The following LRP1B variants were observed in gnomAD, a reference collection of about 807,000 sequenced individuals.
LRP1B encodes the protein low-density lipoprotein receptor-related protein 1B.
A neutral mutation model predicts 556.6 loss-of-function variants in LRP1B; 217 were observed. The observed-to-expected ratio is 0.39, with a 90% CI of 0.35 to 0.44. The LOEUF is 0.44. Among genes scored for constraint, LRP1B ranks in the 20% least tolerant of loss-of-function variants. The pLI, the probability that LRP1B is intolerant of heterozygous loss-of-function variation, is 1.00. For synonymous variants in LRP1B, 2,047 were observed against 1,865.8 expected (o/e 1.10, Z -2.50); for missense variants, 5,053 against 5,620.8 (o/e 0.90, Z 3.23).
At chr2:140,699,683 A>C (rs1158686932) in intron 41 of LRP1B, among the ~76,000 whole-genome samples, 2 of 151,128 alleles carry the variant, frequency 1.3e-5, no homozygotes, top group African/African-American at 2.4e-5. Flanking sequence ...GATAATCCTC[A>C]CTGAACACTA....
At chr2:140,584,684 C>G (rs1681912430) in intron 43 of LRP1B, among the ~76,000 whole-genome samples, 1 of 152,022 alleles carries the variant, frequency 6.6e-6, no homozygotes, top group Admixed American at 6.6e-5. Flanking sequence ...AGTCTGGCTT[C>G]AGTAATACTT....
chr2:141,131,310 C>A (rs572571436), intron 7 of LRP1B, among the ~76,000 whole-genome samples: 1 of 150,438 alleles, frequency 6.6e-6, no homozygotes, highest in Non-Finnish European at 1.5e-5. Flanking sequence ...ACGGACTGAT[C>A]TTTAAGATAC....
At chr2:141,810,016 A>C (rs1696285217) in intron 2 of LRP1B, among the ~76,000 whole-genome samples, 2 of 151,660 alleles carry the variant, frequency 1.3e-5, no homozygotes, top group South Asian at 4.2e-4. Context: ...CCAAAACTGC[A>C]TTTTATGCTC....
rs1680549336 is a variant in LRP1B, at chr2:140,233,303, T to A, written c.13683A>T (p.Val4561=). 6.3e-7 allele frequency: 1 copy of A among 1,599,858 alleles called. No individual in the cohort carries two copies. Among genetic ancestry groups the A allele is most frequent in the African/African-American group, 1.3e-5 (1 of 74,178 alleles). The change falls in exon 91 of 91, where the codon GTA becomes GTT. Residue 4561 remains valine (V), a synonymous_variant. Coordinates refer to ENST00000389484, the MANE Select transcript of LRP1B (RefSeq NM_018557.3). ...GCCCATCCATATATAATTTTGCATA[T>A]ACCGGATTGGAGTAATTTGTTGGCT... is the stretch of plus-strand genomic sequence containing the variant. ...TAGPTNYSNP[V]YAKLYMDGQN...
chr2:140,652,920 AT>A (rs1684741346), intron 41 of LRP1B, among the ~76,000 whole-genome samples: 1 of 152,108 alleles, frequency 6.6e-6, no homozygotes, highest in South Asian at 2.1e-4. Context: ...GTCAAAAGCT[AT>A]TCTTAAAATT....
At chr2:141,802,237 T>A (rs58362402) in intron 2 of LRP1B, among the ~76,000 whole-genome samples, 5,474 of 152,188 alleles carry the variant, frequency 0.036, 336 homozygotes, top group African/African-American at 0.12. Context: ...TCTCCTCTCT[T>A]GTATCTGATC....
rs1682365291 is a variant in LRP1B, at chr2:140,358,806, A to G, written c.11257+15T>C. 3 of 1,605,724 alleles carry G rather than the reference A, an allele frequency of 1.9e-6. No individual in the cohort carries two copies. The highest frequency in any genetic ancestry group is 2.6e-6 in the Non-Finnish European group (3 of 1,174,064). On this transcript the variant is annotated intron_variant, in intron 73 of 90. Transcript: ENST00000389484. ...CATAGCCATCACTGAATTATTTCACATTAAATGCATTTACCACCACAGTGA... is the reference window on the plus strand; with the variant it reads ...CATAGCCATCACTGAATTATTTCACGTTAAATGCATTTACCACCACAGTGA...
chr2:141,903,780 G>A (rs888481390), intron 1 of LRP1B, among the ~76,000 whole-genome samples: 2 of 151,908 alleles, frequency 1.3e-5, no homozygotes, highest in Admixed American at 1.3e-4. Flanking sequence ...CACCAAAAAT[G>A]TGATAACAAA....
chr2:141,361,564 A>G (rs893873354), intron 3 of LRP1B, among the ~76,000 whole-genome samples: 3 of 152,204 alleles, frequency 2.0e-5, no homozygotes, highest in African/African-American at 7.2e-5. Context: ...ACAGTAAAAC[A>G]TATCTCGATG....
chr2:140,483,587 C>CAT (rs1163331116), intron 59 of LRP1B, among the ~76,000 whole-genome samples: 8 of 138,792 alleles, frequency 5.8e-5, no homozygotes, highest in African/African-American at 2.1e-4. Flanking sequence ...TGTACACACA[C>CAT]ATATATATAG....
At chr2:140,811,387 G>A (rs997748352) in intron 32 of LRP1B, among the ~76,000 whole-genome samples, 1 of 152,090 alleles carries the variant, frequency 6.6e-6, no homozygotes, top group South Asian at 2.1e-4. Context: ...CTCAAAACAC[G>A]GTCAGCAGCA....
chr2:140,475,129 T>G lies in LRP1B; in HGVS notation c.9625+9A>C. 1 of 1,482,142 alleles carries G rather than the reference T, an allele frequency of 6.7e-7. No homozygotes were observed. Among genetic ancestry groups the G allele is most frequent in the Non-Finnish European group, 9.0e-7 (1 of 1,105,142 alleles). 91.8% of individuals were successfully genotyped at this position (1,482,142 alleles called of 1,614,324 possible). A position where few individuals can be genotyped will look rare whatever the true frequency, so the allele number is the denominator to read the frequency against. On this transcript the variant is annotated intron_variant, in intron 60 of 90. Coordinates refer to ENST00000389484, the MANE Select transcript of LRP1B (RefSeq NM_018557.3). ...TAAAATACTAGAATATTTATGTTAC[T>G]GGACCAACCTTTGTGTCTATGAGAT...
chr2:140,715,937 T>A, intron 37 of LRP1B, 36 bp downstream of exon 37: 1 of 1,487,002 alleles, frequency 6.7e-7, no homozygotes, highest in East Asian at 2.3e-5. Context: ...AAAACTCACA[T>A]AAAACTTGGA....
intron 18 of LRP1B, among the ~76,000 whole-genome samples, chr2:140,959,787 AAATTATATTTCACAG>A (rs1335892329): frequency 4.6e-5 from 7 of 151,886 alleles, no homozygotes; most frequent in African/African-American, 1.7e-4. Flanking sequence ...GGAGTAAGAC[AAATTATATTTCACAG>A]TGACAACCTT....
intron 2 of LRP1B, among the ~76,000 whole-genome samples, chr2:141,529,271 C>A (rs12617263): frequency 0.16 from 24,144 of 152,166 alleles, 2,504 homozygotes; most frequent in East Asian, 0.37. Context: ...AAAATGGTTT[C>A]AAGAAAGTCT....
intron 3 of LRP1B, among the ~76,000 whole-genome samples, chr2:141,324,140 CTGAACAAGGAAACCACACACACACAGA>C (rs1321978761): frequency 2.7e-5 from 4 of 146,444 alleles, no homozygotes; most frequent in South Asian, 2.2e-4. Flanking sequence ...ACATACACAC[CTGAACAAGGAAACCACACACACACAGA>C]TGAACAAGGA....
intron 31 of LRP1B, among the ~76,000 whole-genome samples, chr2:140,827,274 G>A (rs1180862314): frequency 6.6e-6 from 1 of 151,972 alleles, no homozygotes; most frequent in Non-Finnish European, 1.5e-5. Flanking sequence ...ACAAAACAAA[G>A]AGCCAGTGAC....
intron 3 of LRP1B, among the ~76,000 whole-genome samples, chr2:141,386,542 T>A (rs1486520932): frequency 6.6e-6 from 1 of 151,774 alleles, no homozygotes; most frequent in South Asian, 2.1e-4. Flanking sequence ...TCCATGCAAA[T>A]AGCACCAAAA....
At chr2:141,001,375 G>T (rs1697418054) in intron 15 of LRP1B, among the ~76,000 whole-genome samples, 1 of 151,892 alleles carries the variant, frequency 6.6e-6, no homozygotes, top group Non-Finnish European at 1.5e-5. Flanking sequence ...CAACGTGCAG[G>T]TTTGTTACAT....
Sources: allele counts gnomAD v4.1 joint callset (sites outside exome capture counted in the v4.1 genomes callset), GRCh38; gene constraint gnomAD v4.1.1; transcripts MANE v1.5; gene names NCBI Gene and HGNC (gene_info 2026-07-23, HGNC 2026-07-21).